SRSF10: variants seen among roughly 807,000 people sequenced by gnomAD.
SRSF10 encodes serine/arginine-rich splicing factor 10.
In SRSF10, 9 loss-of-function variants were observed where a neutral mutation model predicts 32.6. The observed-to-expected ratio is 0.28, with a 90% CI of 0.17 to 0.48. SRSF10 has a LOEUF of 0.48. Among genes scored for constraint, SRSF10 ranks in the 20% least tolerant of loss-of-function variants. The pLI, the probability that SRSF10 is intolerant of heterozygous loss-of-function variation, is 0.99. For missense variants in SRSF10, 201 were observed against 331.8 expected (o/e 0.61, Z 3.06); for synonymous variants, 105 against 112.4 (o/e 0.93, Z 0.42).
intron 5 of SRSF10, 40 bp downstream of exon 5, chr1:23,971,533 T>A: frequency 1.3e-6 from 2 of 1,596,952 alleles, no homozygotes; most frequent in Non-Finnish European, 1.7e-6. Context: ...ACTCTGAAAT[T>A]AAAAAATACA....
Position 23,968,964 on chromosome 1 carries a change from AAGTT to A in SRSF10, c.*2174_*2177del, listed in dbSNP as rs1557559809. ...GCAAGTTCTATCATTTCCAAAGTAAAAGTTAGTTGTGCCTAGTGCAACAATGATT... is the reference window on the plus strand; with the variant it reads ...GCAAGTTCTATCATTTCCAAAGTAAAAGTTGTGCCTAGTGCAACAATGATT... On this transcript the variant is annotated 3_prime_UTR_variant, in exon 6 of 6. Coordinates refer to ENST00000492112, the MANE Select transcript of SRSF10 (RefSeq NM_054016.4). 2 of 345,116 alleles carry A rather than the reference AAGTT, an allele frequency of 5.8e-6. No homozygotes were observed. Among genetic ancestry groups the A allele is most frequent in the Non-Finnish European group, 8.2e-6 (2 of 244,938 alleles). The allele number at this position is 345,116 out of a possible 1,614,324, so 21.4% of individuals were successfully genotyped here. A position where few individuals can be genotyped will look rare whatever the true frequency, so the allele number is the denominator to read the frequency against.
In SRSF10 at chr1:23,967,838, A is replaced by G; in HGVS notation, c.*3304T>C. On this transcript the variant is annotated 3_prime_UTR_variant, in exon 6 of 6. Transcript: ENST00000492112. The stretch of plus-strand genomic sequence containing the variant: ...GCTTACTGGGCCAAATTTTCAAGAG[A>G]ATAATACAATAGTTCCCAGGTCTTT... 1 of 1,560,100 alleles carries G rather than the reference A, an allele frequency of 6.4e-7. No homozygotes were observed. Among genetic ancestry groups the G allele is most frequent in the Non-Finnish European group, 8.7e-7 (1 of 1,150,262 alleles).
chr1:23,979,902 C>A (rs1347477670), intron 1 of SRSF10, among the ~76,000 whole-genome samples: 1 of 144,430 alleles, frequency 6.9e-6, no homozygotes, highest in Admixed American at 7.1e-5. Context: ...AAGGCCGCGG[C>A]GGGGGGCTGC....
chr1:23,972,023 C>T lies in SRSF10; in HGVS notation c.275-11G>A. On this transcript the variant is annotated splice_polypyrimidine_tract_variant and intron_variant, in intron 3 of 5. Coordinates refer to ENST00000492112, the MANE Select transcript of SRSF10 (RefSeq NM_054016.4). ...TCATCTGATTTGGTGCTAGGAAATACAAAGAACAGAAATATTTAAAAATAT... is the reference window on the plus strand; with the variant it reads ...TCATCTGATTTGGTGCTAGGAAATATAAAGAACAGAAATATTTAAAAATAT... The T allele has an allele frequency of 1.4e-6, 2 of 1,470,038 alleles. No homozygotes were observed. The highest frequency in any genetic ancestry group is 3.1e-5 in the South Asian group (2 of 65,496). The allele number at this position is 1,470,038 out of a possible 1,614,324, so 91.1% of individuals were successfully genotyped here.
rs1436699559 is a variant in SRSF10, at chr1:23,969,762, T to C, written c.*1380A>G. The C allele has an allele frequency of 2.0e-6, 2 of 985,094 alleles. 1 individual carries two copies. The highest frequency in any genetic ancestry group is 3.5e-5 in the African/African-American group (2 of 57,230). The allele number at this position is 985,094 out of a possible 1,614,324, so 61.0% of individuals were successfully genotyped here. ...GGGTATTACTTCATTTTTAGTCAGGTACTACACTGATAATCGAAAGCTCAA... is the reference window on the plus strand; with the variant it reads ...GGGTATTACTTCATTTTTAGTCAGGCACTACACTGATAATCGAAAGCTCAA... On this transcript the variant is annotated 3_prime_UTR_variant, in exon 6 of 6. Coordinates refer to ENST00000492112, the MANE Select transcript of SRSF10 (RefSeq NM_054016.4).
At chr1:23,980,008 G>A (rs1044245234) in intron 1 of SRSF10, among the ~76,000 whole-genome samples, 183 bp downstream of exon 1, 6 of 152,218 alleles carry the variant, frequency 3.9e-5, no homozygotes, top group African/African-American at 9.6e-5. Flanking sequence ...AGGCAGAGGC[G>A]CCGCCCTCGC....
intron 2 of SRSF10, chr1:23,978,140 A>C: frequency 1.0e-6 from 1 of 983,754 alleles, no homozygotes; most frequent in Non-Finnish European, 1.2e-6. Flanking sequence ...CTTTTCCCAA[A>C]CTCTCCCTTC....
chr1:23,973,767 G>A (rs4498748), intron 3 of SRSF10, among the ~76,000 whole-genome samples: 77,270 of 152,164 alleles, frequency 0.51, 20,053 homozygotes, highest in East Asian at 0.56. Flanking sequence ...TCAACATGCA[G>A]TAATATTACA....
At chr1:23,973,334 A>C (rs2148503777) in intron 3 of SRSF10, among the ~76,000 whole-genome samples, 1 of 152,266 alleles carries the variant, frequency 6.6e-6, no homozygotes, top group Admixed American at 6.5e-5. Context: ...AATGGAAGTG[A>C]GTGCCTTTTT....
At position 23,966,962 on chromosome 1, in the gene SRSF10, C is replaced by T. The variant is rs1641484277; in HGVS notation, c.*4180G>A. ...TACTGTAATGATTCACTAGATTGTGCTCAGTAGACATTTACTGAATAAGGG... is the reference window on the plus strand; with the variant it reads ...TACTGTAATGATTCACTAGATTGTGTTCAGTAGACATTTACTGAATAAGGG... On this transcript the variant is annotated 3_prime_UTR_variant, in exon 6 of 6. Coordinates refer to ENST00000492112, the MANE Select transcript of SRSF10 (RefSeq NM_054016.4). 1 of 152,026 alleles carries T rather than the reference C, an allele frequency of 6.6e-6. No homozygotes were observed. The highest frequency in any genetic ancestry group is 1.5e-5 in the Non-Finnish European group (1 of 67,930). The allele number at this position is 152,026 out of a possible 1,614,324, so 9.4% of individuals were successfully genotyped here.
chr1:23,970,671 C>T lies in SRSF10; in HGVS notation c.*471G>A, dbSNP rs970833130. The T allele has an allele frequency of 6.1e-6, 6 of 986,702 alleles. No homozygotes were observed. In the African/African-American group the frequency reaches 1.0e-4, roughly 17 times the overall value. 61.1% of individuals were successfully genotyped at this position (986,702 alleles called of 1,614,324 possible). A position where few individuals can be genotyped will look rare whatever the true frequency, so the allele number is the denominator to read the frequency against. ...ACCACGCCCAGCCGGGCCTAGACAT[C>T]TTGACAAGACATAAAGGTCCACCCT... On this transcript the variant is annotated 3_prime_UTR_variant, in exon 6 of 6. Coordinates refer to ENST00000492112, the MANE Select transcript of SRSF10 (RefSeq NM_054016.4).
At chr1:23,976,385 C>T (rs1642092058) in intron 2 of SRSF10, 1 of 152,114 alleles carries the variant, frequency 6.6e-6, no homozygotes, top group Non-Finnish European at 1.5e-5. Context: ...CCATTATGAA[C>T]AGATTAAATG....
chr1:23,976,790 G>T (rs1642119759), intron 2 of SRSF10: 1 of 152,192 alleles, frequency 6.6e-6, no homozygotes, highest in African/African-American at 2.4e-5. Flanking sequence ...TCACTCTGAT[G>T]TCAGTCATGG....
chr1:23,977,880 A>AG (rs1385730995), intron 2 of SRSF10: 10 of 983,378 alleles, frequency 1.0e-5, no homozygotes, highest in Non-Finnish European at 1.1e-5. Context: ...TTAAAAAAAA[A>AG]AAAAAGAAAA....
chr1:23,976,519 T>C (rs1005856287), intron 2 of SRSF10: 1 of 152,200 alleles, frequency 6.6e-6, no homozygotes, highest in African/African-American at 2.4e-5. Context: ...TCTAAACTAA[T>C]TAGAAGGAAT....
At chr1:23,978,533 C>T in intron 2 of SRSF10, 180 bp downstream of exon 2, 1 of 810,226 alleles carries the variant, frequency 1.2e-6, no homozygotes, top group South Asian at 3.2e-5. Context: ...TATATTTTAC[C>T]ATTTTTGGAT....
At chr1:23,973,777 A>C (rs985198590) in intron 3 of SRSF10, among the ~76,000 whole-genome samples, 13 of 152,218 alleles carry the variant, frequency 8.5e-5, no homozygotes, top group African/African-American at 3.1e-4. Context: ...GTAATATTAC[A>C]GTTCTAAGAC....
rs1237580060 is a variant in SRSF10, at chr1:23,970,422, G to A, written c.*720C>T. On this transcript the variant is annotated 3_prime_UTR_variant, in exon 6 of 6. Transcript: ENST00000492112. ...GTTGCCCAGGCTGGAGTGCAGTGGC[G>A]TGATTTTGGCTCACTGCAACTTCTA... is the stretch of plus-strand genomic sequence containing the variant. 16 of 903,768 alleles carry A rather than the reference G, an allele frequency of 1.8e-5. No homozygotes were observed. The Admixed American group carries it at 3.9e-4, about 22-fold the overall frequency. The allele number at this position is 903,768 out of a possible 1,614,324, so 56.0% of individuals were successfully genotyped here.
intron 3 of SRSF10, 148 bp from the exon 4 acceptor site, chr1:23,972,160 C>A (rs1377025791): frequency 3.2e-6 from 2 of 624,680 alleles, no homozygotes; most frequent in Non-Finnish European, 4.8e-6. Context: ...TGTGATCCCA[C>A]TACTTTGGGA....
Sources: allele counts gnomAD v4.1 joint callset (sites outside exome capture counted in the v4.1 genomes callset), GRCh38; gene constraint gnomAD v4.1.1; transcripts MANE v1.5; gene names NCBI Gene and HGNC (gene_info 2026-07-23, HGNC 2026-07-21).